The following PHKG1 variants were observed in gnomAD, a reference collection of about 807,000 sequenced individuals.
PHKG1 encodes phosphorylase b kinase gamma catalytic chain, skeletal muscle/heart isoform.
A neutral mutation model predicts 50.5 loss-of-function variants in PHKG1; 48 were observed. The observed-to-expected ratio is 0.95, with a 90% CI of 0.75 to 1.21. The LOEUF is 1.21. Among genes scored for constraint, PHKG1 ranks in the 50% most tolerant of loss-of-function variants. The pLI is 0.00. For synonymous variants in PHKG1, 204 were observed against 212.8 expected, an observed-to-expected ratio of 0.96 and a Z score of 0.36; for missense variants, 487 against 519.5, an observed-to-expected ratio of 0.94 and a Z score of 0.61.
chr7:56,092,553 A>G (rs6954546), intron 1 of PHKG1, among the ~76,000 whole-genome samples: 105,872 of 152,054 alleles, frequency 0.7, 36,989 homozygotes, highest in Non-Finnish European at 0.71. Context: ...GATTATAGGC[A>G]TGAGCCATCG....
rs1562875550 is a variant in PHKG1, at chr7:56,081,218, T to C, written c.1000A>G (p.Ile334Val). The change falls in exon 10 of 10, where the codon ATC (isoleucine) becomes GTC (valine). Residue 334 changes from isoleucine (I) to valine (V), a missense_variant. Physicochemically the swap from Ile to Val is conservative, Grantham distance 29. Coordinates refer to ENST00000297373, the MANE Select transcript of PHKG1 (RefSeq NM_006213.5). This position sits in a 1 kb window ranked among gnomAD's most constrained non-coding sequence, Gnocchi z 4.6. ...GGCCGGAGGGCATAGGGGTCTCGGA[T>C]GACGATCTCCCGGGTCACAGGCTTC... ...RVKPVTREIV[I>V]RDPYALRPLR... is the part of the protein sequence containing the mutation. 1.9e-6 allele frequency: 3 copies of C among 1,613,824 alleles called. No individual in the cohort carries two copies. The highest frequency in any genetic ancestry group is 2.5e-6 in the Non-Finnish European group (3 of 1,179,942).
chr7:56,089,690 ATTG>A (rs969541913), intron 1 of PHKG1, among the ~76,000 whole-genome samples: 5 of 151,874 alleles, frequency 3.3e-5, no homozygotes, highest in South Asian at 2.1e-4. Context: ...CGCCTGGCTA[ATTG>A]TTGTATTTTT....
At chr7:56,084,019 A>G (rs1385992927) in intron 4 of PHKG1, 34 of 627,912 alleles carry the variant, frequency 5.4e-5, no homozygotes, top group Non-Finnish European at 9.1e-5. Context: ...TTTTCCCACC[A>G]TTTCATGAGG....
At chr7:56,092,602 C>T (rs545609636) in intron 1 of PHKG1, among the ~76,000 whole-genome samples, 4 of 152,232 alleles carry the variant, frequency 2.6e-5, no homozygotes, top group Admixed American at 1.3e-4. Flanking sequence ...CATAACTTCC[C>T]TCCCCTGAAC....
chr7:56,087,768 C>T lies in PHKG1; in HGVS notation c.92G>A (p.Ser31Asn). ...GTGGATGCATCGCCTGACCACACTG[C>T]TAACGCCCCTGGGAGTGCAGAGGAC... is the stretch of plus-strand genomic sequence containing the variant. ...EPKEILGRGVSSVVRRCIHKP... is the reference protein window; with the variant it reads ...EPKEILGRGVNSVVRRCIHKP... The change falls in exon 3 of 10, where the codon AGC (serine) becomes AAC (asparagine). Residue 31 changes from serine to asparagine, a missense_variant. Coordinates refer to ENST00000297373, the MANE Select transcript of PHKG1 (RefSeq NM_006213.5). The T allele has an allele frequency of 1.2e-6, 2 of 1,611,238 alleles. No individual in the cohort carries two copies. The highest frequency in any genetic ancestry group is 1.1e-5 in the South Asian group (1 of 91,076).
chr7:56,083,105 CAAA>C (rs374270655), intron 6 of PHKG1, 170 bp downstream of exon 6: 1,638 of 438,842 alleles, frequency 3.7e-3, no homozygotes, highest in Middle Eastern at 6.8e-3. Context: ...GACTCCATCT[CAAA>C]AAAAAAAAAA....
At chr7:56,092,654 T>C (rs1217573081) in intron 1 of PHKG1, among the ~76,000 whole-genome samples, 182 bp downstream of exon 1, 1 of 152,152 alleles carries the variant, frequency 6.6e-6, no homozygotes, top group Admixed American at 6.5e-5. Context: ...ACCTCTTTTC[T>C]GTAGAAAATT....
Position 56,081,051 on chromosome 7 carries a change from C to A in PHKG1, c.*3G>T, listed in dbSNP as rs764808472. Reference sequence around the variant, plus strand: ...CCCTAGCCCTCCCTGACTGGCCAGCCCCTCAGTAGTCCTCCTCGGCCAGGG... The same window carrying A: ...CCCTAGCCCTCCCTGACTGGCCAGCACCTCAGTAGTCCTCCTCGGCCAGGG... On this transcript the variant is annotated 3_prime_UTR_variant, in exon 10 of 10. Transcript: ENST00000297373. This position sits in a 1 kb window ranked among gnomAD's most constrained non-coding sequence, Gnocchi z 4.6. The A allele has an allele frequency of 6.2e-7, 1 of 1,611,994 alleles. No homozygotes were observed. Among genetic ancestry groups the A allele is most frequent in the South Asian group, 1.1e-5 (1 of 91,012 alleles).
rs1163392255 is a variant in PHKG1, at chr7:56,081,637, T to C, written c.911A>G (p.Lys304Arg). 1.1e-5 allele frequency: 18 copies of C among 1,613,382 alleles called. No individual in the cohort carries two copies. Among genetic ancestry groups the C allele is most frequent in the Non-Finnish European group, 1.5e-5 (18 of 1,179,928 alleles). ...EEVRHFSPRG[K>R]FKVIALTVLA... ...GATCAGGACGCTTAGTACCTTGAAC[T>C]TCCCCCGGGGGCTGAAGTGCCGCAC... The change falls in exon 9 of 10, where the codon AAG becomes AGG. Residue 304 changes from lysine to arginine, a missense_variant. Lys to Arg is a conservative substitution (Grantham distance 26, BLOSUM62 2). Transcript: ENST00000297373. This position sits in a 1 kb window ranked among gnomAD's most constrained non-coding sequence, Gnocchi z 4.6.
intron 2 of PHKG1, among the ~76,000 whole-genome samples, chr7:56,088,180 A>G (rs1197262917): frequency 6.6e-6 from 1 of 151,622 alleles, no homozygotes; most frequent in Non-Finnish European, 1.5e-5. Context: ...GACTACAGGT[A>G]CCTGCCACCA....
chr7:56,084,071 A>G, intron 4 of PHKG1: 1 of 773,792 alleles, frequency 1.3e-6, no homozygotes, highest in Non-Finnish European at 2.1e-6. Context: ...GGTTCCCATT[A>G]CCCTAGTTCC....
At chr7:56,083,117 AAAAG>A (rs1475508550) in intron 6 of PHKG1, 157 bp downstream of exon 6, 27 of 653,648 alleles carry the variant, frequency 4.1e-5, no homozygotes, top group African/African-American at 2.0e-4. Flanking sequence ...AAAAAAAAAA[AAAAG>A]AAAGAAAAAG....
At chr7:56,092,269 G>C (rs908007581) in intron 1 of PHKG1, among the ~76,000 whole-genome samples, 1 of 152,116 alleles carries the variant, frequency 6.6e-6, no homozygotes, top group African/African-American at 2.4e-5. Context: ...CCACATGGGA[G>C]TAGGTGGCCC....
At chr7:56,090,324 C>T (rs528151594) in intron 1 of PHKG1, among the ~76,000 whole-genome samples, 15 of 152,190 alleles carry the variant, frequency 9.9e-5, no homozygotes, top group South Asian at 2.1e-4. Flanking sequence ...CCATGTTGGC[C>T]GGGATGGTCT....
intron 4 of PHKG1, among the ~76,000 whole-genome samples, chr7:56,086,257 A>G (rs1204659624): frequency 2.6e-5 from 4 of 152,062 alleles, no homozygotes; most frequent in African/African-American, 9.7e-5. Flanking sequence ...GGATGCCTGA[A>G]ACCATGGATA....
chr7:56,083,585 A>G, intron 5 of PHKG1, 65 bp downstream of exon 5: 1 of 1,500,598 alleles, frequency 6.7e-7, no homozygotes, highest in Non-Finnish European at 9.2e-7. Flanking sequence ...CTCCCCTGAG[A>G]CCCCAGTGCC....
At chr7:56,082,087 G>A (rs761035392) in intron 7 of PHKG1, 41 bp from the exon 8 acceptor site, 1 of 1,609,478 alleles carries the variant, frequency 6.2e-7, no homozygotes, top group Non-Finnish European at 8.5e-7. Flanking sequence ...CCAGCGCCAG[G>A]GGCACCGGCC....
intron 4 of PHKG1, among the ~76,000 whole-genome samples, chr7:56,084,620 G>A (rs537211590): frequency 4.0e-5 from 6 of 151,548 alleles, no homozygotes; most frequent in Non-Finnish European, 7.4e-5. Context: ...GTGATCACCC[G>A]TCTCAGCCTC....
Position 56,082,180 on chromosome 7 carries a change from G to A in PHKG1, c.621C>T (p.Tyr207=), listed in dbSNP as rs544129411. The A allele has an allele frequency of 1.5e-4, 236 of 1,613,838 alleles. 3 individuals carry two copies. The South Asian group carries it at 2.1e-3, about 14-fold the overall frequency. The part of the protein sequence containing the change: ...ECSMNEDHPG[Y]GKEVDMWSTG... ...GCACTCACATGTCCACCTCTTTCCC[G>A]TAGCCCGGGTGGTCCTCATTCATGG... The change falls in exon 7 of 10, where the codon TAC becomes TAT. Residue 207 remains tyrosine (Y), a synonymous_variant. Transcript: ENST00000297373.
Sources: allele counts gnomAD v4.1 joint callset (sites outside exome capture counted in the v4.1 genomes callset), GRCh38; gene constraint gnomAD v4.1.1; non-coding constraint Gnocchi (gnomAD v3.1); transcripts MANE v1.5; gene names NCBI Gene and HGNC (gene_info 2026-07-23, HGNC 2026-07-21).